The following ZFHX3 variants were observed in gnomAD, a reference collection of about 807,000 sequenced individuals.
ZFHX3 encodes zinc finger homeobox protein 3.
A neutral mutation model predicts 279.1 loss-of-function variants in ZFHX3; 42 were observed. That is an observed-to-expected ratio of 0.15 (90% CI 0.12 to 0.19). ZFHX3 has a LOEUF of 0.19. Among genes scored for constraint, ZFHX3 ranks in the 10% least tolerant of loss-of-function variants. ZFHX3 has a pLI of 1.00. For missense variants in ZFHX3, 4,981 were observed against 4,754.0 expected (o/e 1.05, Z -1.40); for synonymous variants, 2,293 against 1,957.8 (o/e 1.17, Z -4.52).
intron 1 of ZFHX3, among the ~76,000 whole-genome samples, chr16:73,835,152 C>A (rs1258082704): frequency 6.6e-6 from 1 of 152,018 alleles, no homozygotes; most frequent in Non-Finnish European, 1.5e-5. Context: ...GCAGGGTTGG[C>A]GAGGCTATAA....
chr16:72,924,985 C>T (rs1019993247), intron 3 of ZFHX3, among the ~76,000 whole-genome samples: 3 of 152,190 alleles, frequency 2.0e-5, no homozygotes, highest in Non-Finnish European at 4.4e-5. Flanking sequence ...CCCCAGCTGG[C>T]AAGTCTGAAC....
At chr16:73,040,069 G>A (rs1313271633) in intron 1 of ZFHX3, among the ~76,000 whole-genome samples, 1 of 152,152 alleles carries the variant, frequency 6.6e-6, no homozygotes, top group Non-Finnish European at 1.5e-5. Flanking sequence ...TAAACATGGG[G>A]CTTAAAACTC....
At chr16:73,357,407 G>A (rs142266443) in intron 3 of ZFHX3, among the ~76,000 whole-genome samples, 23 of 150,600 alleles carry the variant, frequency 1.5e-4, no homozygotes, top group African/African-American at 5.6e-4. Context: ...GCAAACAAAC[G>A]GTGACAGAAG....
chr16:73,509,857 G>A (rs190270586), intron 2 of ZFHX3, among the ~76,000 whole-genome samples: 2 of 152,122 alleles, frequency 1.3e-5, no homozygotes, highest in African/African-American at 4.8e-5. Flanking sequence ...CACCATGCCC[G>A]GCTGATTTTT....
rs369250438 is a variant in ZFHX3, at chr16:72,822,442, G to A, written c.3529+7337C>T. On this transcript the variant is annotated intron_variant, in intron 5 of 9. Coordinates refer to ENST00000268489, the MANE Select transcript of ZFHX3 (RefSeq NM_006885.4). The stretch of plus-strand genomic sequence containing the variant: ...TCCCAATCTGTGAGGCTTAGTTCTC[G>A]AGGCTGCAAAACGAAGGTAGCATTG... Among the ~76,000 whole-genome samples, 4 of 152,300 alleles carry A rather than the reference G, an allele frequency of 2.6e-5. No individual in the cohort carries two copies. The East Asian group carries it at 7.7e-4, about 29-fold the overall frequency.
intron 1 of ZFHX3, among the ~76,000 whole-genome samples, chr16:73,720,690 G>C (rs1017102358): frequency 6.6e-6 from 1 of 152,156 alleles, no homozygotes; most frequent in Non-Finnish European, 1.5e-5. Flanking sequence ...TTATCCCTGT[G>C]TGATAATTGT....
At position 73,420,731 on chromosome 16, in the gene ZFHX3, G is replaced by C. The variant is rs1481712051; in HGVS notation, c.-1291+35272C>G. On this transcript the variant is annotated intron_variant, in intron 3 of 17. Coordinates refer to the ZFHX3 transcript ENST00000641206. ...CCAAGGACCGCTGGAATTTCCCTGGGAATATGTTTCGGGAAAGGTCAGAAA... is the reference window on the plus strand; with the variant it reads ...CCAAGGACCGCTGGAATTTCCCTGGCAATATGTTTCGGGAAAGGTCAGAAA... 6 of 152,166 alleles carry C rather than the reference G, an allele frequency of 3.9e-5. 1 individual carries two copies. The highest frequency in any genetic ancestry group is 8.8e-5 in the Non-Finnish European group (6 of 68,038). The allele number at this position is 152,166 out of a possible 1,614,324, so 9.4% of individuals were successfully genotyped here. A position where few individuals can be genotyped will look rare whatever the true frequency, so the allele number is the denominator to read the frequency against.
intron 1 of ZFHX3, among the ~76,000 whole-genome samples, chr16:73,773,485 G>A (rs1303642353): frequency 6.6e-6 from 1 of 152,204 alleles, no homozygotes; most frequent in Non-Finnish European, 1.5e-5. Flanking sequence ...CTGTCTCTGG[G>A]GATAAGCAGT....
chr16:73,492,931 G>A (rs1185772837), intron 2 of ZFHX3, among the ~76,000 whole-genome samples: 1 of 150,154 alleles, frequency 6.7e-6, no homozygotes. Context: ...GTACATAGTA[G>A]GTGCTCAATA....
At chr16:73,611,156 T>A (rs1389732295) in intron 2 of ZFHX3, among the ~76,000 whole-genome samples, 1 of 152,192 alleles carries the variant, frequency 6.6e-6, no homozygotes, top group African/African-American at 2.4e-5. Context: ...CAGTTTTGGT[T>A]TTTTTTGAGT....
At chr16:73,280,655 A>C (rs936573662) in intron 4 of ZFHX3, among the ~76,000 whole-genome samples, 10 of 152,020 alleles carry the variant, frequency 6.6e-5, no homozygotes, top group African/African-American at 2.2e-4. Flanking sequence ...TACTGGTGGG[A>C]CTGTAAATTG....
intron 1 of ZFHX3, among the ~76,000 whole-genome samples, chr16:73,741,636 A>G (rs429344): frequency 0.5 from 75,731 of 152,170 alleles, 19,514 homozygotes; most frequent in African/African-American, 0.63. Context: ...AAGCTTGACC[A>G]CTGAGCCTCA....
chr16:73,272,845 T>C (rs7205429), intron 4 of ZFHX3, among the ~76,000 whole-genome samples: 71,453 of 151,842 alleles, frequency 0.47, 17,135 homozygotes, highest in East Asian at 0.64. Context: ...CTCCTGGGTT[T>C]AAGCAATCCT....
intron 1 of ZFHX3, among the ~76,000 whole-genome samples, chr16:73,023,118 T>A (rs900575135): frequency 2.0e-5 from 3 of 152,076 alleles, no homozygotes; most frequent in African/African-American, 7.2e-5. Context: ...TTCCAGCTAC[T>A]CAGGAGCCTC....
intron 3 of ZFHX3, among the ~76,000 whole-genome samples, chr16:73,321,765 CA>C (rs1434011830): frequency 2.0e-5 from 3 of 152,142 alleles, no homozygotes; most frequent in Non-Finnish European, 4.4e-5. Context: ...TGACTACTGA[CA>C]AAACACCAGC....
At chr16:73,302,191 A>G (rs1371734985) in intron 4 of ZFHX3, among the ~76,000 whole-genome samples, 1 of 151,684 alleles carries the variant, frequency 6.6e-6, no homozygotes, top group Admixed American at 6.6e-5. Flanking sequence ...TGCCCTTTCT[A>G]TTTTTCCTCT....
At chr16:72,841,515 G>A (rs1204007092) in intron 4 of ZFHX3, among the ~76,000 whole-genome samples, 4 of 152,192 alleles carry the variant, frequency 2.6e-5, no homozygotes, top group African/African-American at 9.7e-5. Context: ...AGAAAGTGAT[G>A]CCAGTAGTTG....
chr16:73,119,412 G>T (rs1966470316), intron 7 of ZFHX3, among the ~76,000 whole-genome samples: 1 of 152,152 alleles, frequency 6.6e-6, no homozygotes, highest in African/African-American at 2.4e-5. Context: ...CAGCCCGGAA[G>T]CACTTTCTAC....
In ZFHX3 at chr16:72,794,034, A is replaced by G. The variant is rs540337945; in HGVS notation, c.8648T>C (p.Met2883Thr). 2.5e-6 allele frequency: 4 copies of G among 1,614,156 alleles called. No individual in the cohort carries two copies. In the South Asian group the frequency reaches 3.3e-5, roughly 13 times the overall value. ...EGLTKAAMMA[M>T]SEYEDRLSSG... ...TGACAACCGATCTTCATACTCAGAC[A>G]TTGCCATCATGGCCGCTTTGGTCAA... The change falls in exon 9 of 10, where the codon ATG becomes ACG. Residue 2883 changes from methionine to threonine, a missense_variant. This residue lies in a region of ZFHX3 where 744 missense variants were observed against 701.3 expected (regional missense o/e 1.06). Coordinates refer to ENST00000268489, the MANE Select transcript of ZFHX3 (RefSeq NM_006885.4). This position sits in a 1 kb window ranked among gnomAD's most constrained non-coding sequence, Gnocchi z 4.2.
Sources: gnomAD v4.1 joint callset for allele counts (sites outside exome capture counted in the v4.1 genomes callset) on GRCh38, gnomAD v4.1.1 for gene constraint, gnomAD v4.1.1 regional missense constraint, Gnocchi (gnomAD v3.1) non-coding constraint, MANE v1.5 for transcripts, NCBI Gene and HGNC (gene_info 2026-07-23, HGNC 2026-07-21) for gene names.